The following DLEC1 variants were observed in gnomAD, a reference collection of about 807,000 sequenced individuals.
The protein encoded by DLEC1 is deleted in lung and esophageal cancer protein 1.
Under a neutral mutation model 198.1 loss-of-function variants are expected in DLEC1, and 146 were observed. That is an observed-to-expected ratio of 0.74 (90% CI 0.64 to 0.85). The LOEUF is 0.85. DLEC1 is among the 40% of genes least tolerant of loss of function. The probability of loss-of-function intolerance (pLI) is 0.00; values close to 1 mark genes in which losing one functional copy is unlikely to be tolerated. For synonymous variants in DLEC1, 897 were observed against 866.8 expected (o/e 1.03, Z -0.61); for missense variants, 2,233 against 2,220.0 (o/e 1.01, Z -0.12).
chr3:38,086,670 T>A (rs900431288), intron 9 of DLEC1, among the ~76,000 whole-genome samples: 6 of 152,248 alleles, frequency 3.9e-5, no homozygotes, highest in African/African-American at 1.4e-4. Flanking sequence ...CCTTCTTTAT[T>A]GTAGCAAATG....
intron 6 of DLEC1, among the ~76,000 whole-genome samples, chr3:38,071,557 A>C: frequency 6.6e-6 from 1 of 152,332 alleles, no homozygotes; most frequent in East Asian, 1.9e-4. Context: ...TCAGCGGGGA[A>C]GTAGGTGGGA....
intron 34 of DLEC1, among the ~76,000 whole-genome samples, chr3:38,121,360 A>G (rs934008631): frequency 4.6e-5 from 7 of 152,226 alleles, no homozygotes; most frequent in African/African-American, 1.7e-4. Context: ...GCAGAGCCCA[A>G]CCAGCCAGGG....
intron 18 of DLEC1, among the ~76,000 whole-genome samples, chr3:38,099,318 C>T (rs1018637147): frequency 3.3e-5 from 5 of 152,158 alleles, no homozygotes; most frequent in South Asian, 4.1e-4. Context: ...TGATGGGTAG[C>T]GGCATCACAT....
At position 38,059,844 on chromosome 3, in the gene DLEC1, C is replaced by T. The variant is rs1396398033; in HGVS notation, c.665C>T (p.Ala222Val). 1 of 1,613,746 alleles carries T rather than the reference C, an allele frequency of 6.2e-7. No individual in the cohort carries two copies. The highest frequency in any genetic ancestry group is 1.3e-5 in the African/African-American group (1 of 74,914). Residue 222 changes from alanine (A) to valine (V), a missense_variant, in exon 3 of 37, where the codon GCA becomes GTA. Ala to Val is a moderately conservative substitution (Grantham distance 64). Coordinates refer to ENST00000308059, the MANE Select transcript of DLEC1 (RefSeq NM_007335.4). ...ACCGATACAGTGCCGTTTCACTCTG[C>T]ACCTAAAGGTAATGCTTCTGTGCTC... ...YYTDTVPFHSAPKGISLPGCS... is the reference protein window; with the variant it reads ...YYTDTVPFHSVPKGISLPGCS...
At chr3:38,057,817 CTTTTT>C (rs71094945) in intron 2 of DLEC1, among the ~76,000 whole-genome samples, 1 of 132,820 alleles carries the variant, frequency 7.5e-6, no homozygotes, top group Non-Finnish European at 1.6e-5. Context: ...TGTATTATTC[CTTTTT>C]TTTTTTTTTT....
intron 35 of DLEC1, 44 bp from the exon 36 acceptor site, chr3:38,122,027 T>C: frequency 1.2e-6 from 2 of 1,606,720 alleles, no homozygotes; most frequent in Non-Finnish European, 1.7e-6. Flanking sequence ...TGGGAGTACA[T>C]GGGGCTGCCT....
At chr3:38,095,858 T>C in intron 13 of DLEC1, 30 bp from the exon 14 acceptor site, 2 of 1,613,218 alleles carry the variant, frequency 1.2e-6, no homozygotes, top group Non-Finnish European at 1.7e-6. Flanking sequence ...AACGCAGTGG[T>C]GTTTTCAGGG....
rs1228926861 is a variant in DLEC1, at chr3:38,085,240, C to G, written c.1262-34C>G. ...TCAAGCCCTGGTGGCTGGCTGCTCC[C>G]AGGATCCTCACTTGTCACTTTTGTC... is the stretch of plus-strand genomic sequence containing the variant. On this transcript the variant is annotated intron_variant, in intron 7 of 36. Transcript: ENST00000308059. 6.2e-6 allele frequency: 10 copies of G among 1,613,438 alleles called. No homozygotes were observed. The East Asian group carries it at 2.2e-4, about 36-fold the overall frequency.
chr3:38,050,804 A>G (rs953799634), intron 2 of DLEC1, among the ~76,000 whole-genome samples: 3 of 152,208 alleles, frequency 2.0e-5, no homozygotes, highest in Admixed American at 2.0e-4. Flanking sequence ...TTTGATATAC[A>G]TAGATTAGTT....
Position 38,063,908 on chromosome 3 carries a change from C to G in DLEC1, c.1162C>G (p.Pro388Ala). The G allele has an allele frequency of 6.2e-7, 1 of 1,612,164 alleles. No homozygotes were observed. Among genetic ancestry groups the G allele is most frequent in the South Asian group, 1.1e-5 (1 of 90,974 alleles). The change falls in exon 6 of 37, where the codon CCA becomes GCA. Residue 388 changes from proline (P) to alanine (A), a missense_variant. Pro to Ala is a conservative substitution (Grantham distance 27, BLOSUM62 -1). Coordinates refer to ENST00000308059, the MANE Select transcript of DLEC1 (RefSeq NM_007335.4). Reference sequence around the variant, plus strand: ...GTTTTTCACAGATTATGAAATTGGTCCAGTTTATGAGGTAGACATCTTGTT... The same window carrying G: ...GTTTTTCACAGATTATGAAATTGGTGCAGTTTATGAGGTAGACATCTTGTT... ...IGFFTDYEIG[P>A]VYEMVIALQN... is the part of the protein sequence containing the mutation.
chr3:38,071,242 A>C (rs983226865), intron 6 of DLEC1, among the ~76,000 whole-genome samples: 1 of 152,210 alleles, frequency 6.6e-6, no homozygotes, highest in African/African-American at 2.4e-5. Flanking sequence ...GTCTGAATAA[A>C]AGAAGGAGAA....
intron 2 of DLEC1, among the ~76,000 whole-genome samples, chr3:38,053,644 T>C (rs367914743): frequency 2.7e-5 from 4 of 148,758 alleles, no homozygotes; most frequent in Non-Finnish European, 5.9e-5. Context: ...GGCCGCCCCT[T>C]CTGGGAAGTG....
chr3:38,080,450 CAG>C (rs1311298903), intron 6 of DLEC1, among the ~76,000 whole-genome samples: 8 of 152,100 alleles, frequency 5.3e-5, no homozygotes, highest in Admixed American at 5.2e-4. Flanking sequence ...GCATTGGGCA[CAG>C]AGACTAGGAA....
At chr3:38,115,163 A>G (rs1700088899) in intron 27 of DLEC1, 110 bp downstream of exon 27, 1 of 1,175,736 alleles carries the variant, frequency 8.5e-7, no homozygotes, top group Non-Finnish European at 1.2e-6. Flanking sequence ...AACAGGACCC[A>G]GGTGTCCAGG....
chr3:38,089,626 C>A (rs990742299), intron 10 of DLEC1, among the ~76,000 whole-genome samples: 2 of 152,098 alleles, frequency 1.3e-5, no homozygotes, highest in Admixed American at 6.6e-5. Context: ...TTGGTGTAGT[C>A]CAGGACTTGT....
In DLEC1 at chr3:38,062,671, A is replaced by T. The variant is rs1343782723; in HGVS notation, c.964A>T (p.Ser322Cys). Residue 322 changes from serine (S) to cysteine (C), a missense_variant, in exon 5 of 37, where the codon AGT becomes TGT. Ser to Cys is a moderately radical substitution (Grantham distance 112, BLOSUM62 -1). Coordinates refer to ENST00000308059, the MANE Select transcript of DLEC1 (RefSeq NM_007335.4). ...LDRLLLARME[S>C]RNHFLKNPRF... ...CAGACTTCTGCTTGCCAGAATGGAG[A>T]GTCGGAACCACTTCCTAAAAAATCC... The T allele has an allele frequency of 6.2e-7, 1 of 1,614,144 alleles. No individual in the cohort carries two copies.
At position 38,117,593 on chromosome 3, in the gene DLEC1, C is replaced by T. The variant is rs997093442; in HGVS notation, c.4467C>T (p.Pro1489=). ...AGTGCCAGGCCAGTGACCTCATTCC[C>T]GAGCAGCCCTGCTCTGGGGTGAGTG... ...EFQCQASDLI[P]EQPCSGVLSE... is the part of the protein sequence containing the mutation. Residue 1489 remains proline, a synonymous_variant, in exon 32 of 37, where the codon CCC becomes CCT. Transcript: ENST00000308059. The T allele has an allele frequency of 2.2e-5, 36 of 1,614,038 alleles. No homozygotes were observed. Among genetic ancestry groups the T allele is most frequent in the Middle Eastern group, 1.6e-4 (1 of 6,084 alleles).
intron 6 of DLEC1, among the ~76,000 whole-genome samples, chr3:38,065,288 G>A (rs1324136953): frequency 1.3e-5 from 2 of 152,240 alleles, no homozygotes; most frequent in Non-Finnish European, 2.9e-5. Context: ...GATGGCGGCA[G>A]TACAGTCCAG....
chr3:38,092,642 C>T (rs1698798827), intron 10 of DLEC1, 148 bp from the exon 11 acceptor site: 4 of 725,196 alleles, frequency 5.5e-6, no homozygotes, highest in Middle Eastern at 3.5e-4. Flanking sequence ...AAACACTTGG[C>T]CTTAGGAGTA....
Sources: gnomAD v4.1 joint callset for allele counts (sites outside exome capture counted in the v4.1 genomes callset) on GRCh38, gnomAD v4.1.1 for gene constraint, MANE v1.5 for transcripts, NCBI Gene and HGNC (gene_info 2026-07-23, HGNC 2026-07-21) for gene names.